GSE1: variants seen among roughly 807,000 people sequenced by gnomAD.
GSE1 encodes genetic suppressor element 1.
In GSE1, 32 loss-of-function variants were observed where a neutral mutation model predicts 112.6. The observed-to-expected ratio is 0.28, with a 90% CI of 0.21 to 0.38. The LOEUF is 0.38. Ranked by LOEUF, GSE1 falls within the 10% of genes least tolerant of loss-of-function variation. The pLI is 1.00. For synonymous variants in GSE1, 1,115 were observed against 735.6 expected, an observed-to-expected ratio of 1.52 and a Z score of -8.35; for missense variants, 2,348 against 1,699.2, an observed-to-expected ratio of 1.38 and a Z score of -6.71.
At chr16:85,669,645 G>A (rs1249962139) in intron 14 of GSE1, among the ~76,000 whole-genome samples, 2 of 152,178 alleles carry the variant, frequency 1.3e-5, no homozygotes, top group Admixed American at 6.5e-5. Context: ...CATCTTTGCT[G>A]GTTTTGTAGG....
At chr16:85,182,247 C>T (rs966267929) in intron 1 of GSE1, among the ~76,000 whole-genome samples, 2 of 152,174 alleles carry the variant, frequency 1.3e-5, no homozygotes, top group Non-Finnish European at 2.9e-5. Context: ...CCACCATCAG[C>T]CTCGTACAGA....
chr16:85,234,288 C>A (rs12598286), intron 1 of GSE1, among the ~76,000 whole-genome samples: 74,021 of 151,890 alleles, frequency 0.49, 18,326 homozygotes, highest in African/African-American at 0.56. Flanking sequence ...ATTTTGAAAC[C>A]AGAGTCTCCT....
chr16:85,575,405 C>A (rs2046187708), intron 1 of GSE1, among the ~76,000 whole-genome samples: 1 of 152,146 alleles, frequency 6.6e-6, no homozygotes, highest in Non-Finnish European at 1.5e-5. Context: ...TTAAGGATGC[C>A]GTTAAAATAC....
chr16:85,217,334 G>T (rs1043154704), intron 1 of GSE1, among the ~76,000 whole-genome samples: 1 of 152,244 alleles, frequency 6.6e-6, no homozygotes, highest in Non-Finnish European at 1.5e-5. Flanking sequence ...TCTGTGCTGT[G>T]TTTGGGGTTG....
chr16:85,316,787 A>G (rs2045995029), intron 1 of GSE1, among the ~76,000 whole-genome samples: 1 of 152,190 alleles, frequency 6.6e-6, no homozygotes, highest in Non-Finnish European at 1.5e-5. Flanking sequence ...TCTTGGGAGC[A>G]GACGTCTCCC....
intron 2 of GSE1, among the ~76,000 whole-genome samples, chr16:85,485,577 A>G (rs2050808051): frequency 6.6e-6 from 1 of 152,250 alleles, no homozygotes; most frequent in African/African-American, 2.4e-5. Flanking sequence ...CGCCGCGTTA[A>G]GGACAGATGG....
chr16:85,345,366 G>C (rs528647569), intron 1 of GSE1, among the ~76,000 whole-genome samples: 1 of 152,330 alleles, frequency 6.6e-6, no homozygotes, highest in South Asian at 2.1e-4. Flanking sequence ...GCAAAGCTGA[G>C]TGGTTTTGAC....
chr16:85,229,280 G>C (rs2075541829), intron 1 of GSE1, among the ~76,000 whole-genome samples: 1 of 152,250 alleles, frequency 6.6e-6, no homozygotes, highest in Admixed American at 6.5e-5. Context: ...TCAGCGGCAG[G>C]CCGGAGCCAG....
At chr16:85,522,698 C>A (rs1002422430) in intron 2 of GSE1, among the ~76,000 whole-genome samples, 1 of 152,074 alleles carries the variant, frequency 6.6e-6, no homozygotes, top group East Asian at 1.9e-4. Flanking sequence ...AGTGGGTGCT[C>A]GTGTGGGTGT....
At chr16:85,645,412 G>A (rs904411120) in intron 2 of GSE1, among the ~76,000 whole-genome samples, 2 of 152,132 alleles carry the variant, frequency 1.3e-5, no homozygotes, top group African/African-American at 4.8e-5. Flanking sequence ...CTATCCAGTT[G>A]TGCAGGTTGC....
At chr16:85,380,963 C>T (rs941670572) in intron 2 of GSE1, among the ~76,000 whole-genome samples, 1 of 152,200 alleles carries the variant, frequency 6.6e-6, no homozygotes, top group African/African-American at 2.4e-5. Context: ...TAAAATTCAC[C>T]TAACACAAAA....
intron 2 of GSE1, among the ~76,000 whole-genome samples, chr16:85,436,884 CG>C (rs2049259310): frequency 6.6e-6 from 1 of 152,096 alleles, no homozygotes; most frequent in South Asian, 2.1e-4. Flanking sequence ...GTGGGCGGCC[CG>C]GGACTGTGGG....
chr16:85,473,864 G>A (rs539485509), intron 2 of GSE1, among the ~76,000 whole-genome samples: 102 of 151,800 alleles, frequency 6.7e-4, no homozygotes, highest in Non-Finnish European at 1.1e-3. Context: ...GCAGGGGAGC[G>A]TCTGTCTGTA....
chr16:85,427,093 C>T (rs61072409), intron 2 of GSE1, among the ~76,000 whole-genome samples: 1 of 152,140 alleles, frequency 6.6e-6, no homozygotes, highest in Non-Finnish European at 1.5e-5. Flanking sequence ...TATGTGGTGG[C>T]TATGCAGTGT....
chr16:85,330,677 T>C (rs1236769081), intron 1 of GSE1, among the ~76,000 whole-genome samples: 1 of 152,240 alleles, frequency 6.6e-6, no homozygotes, highest in Non-Finnish European at 1.5e-5. Flanking sequence ...ATTTTTTGTA[T>C]GTTTAAAATG....
chr16:85,570,522 C>G (rs1442658065), intron 1 of GSE1, among the ~76,000 whole-genome samples: 1 of 152,232 alleles, frequency 6.6e-6, no homozygotes, highest in Non-Finnish European at 1.5e-5. Context: ...CATAACTCCA[C>G]CTGCCTGGCT....
intron 1 of GSE1, among the ~76,000 whole-genome samples, chr16:85,355,000 C>T (rs1393461089): frequency 6.6e-6 from 1 of 152,342 alleles, no homozygotes; most frequent in African/African-American, 2.4e-5. Context: ...GGTGCCGCCG[C>T]CTCCTGGCTC....
At chr16:85,550,362 G>C (rs1405087698) in intron 2 of GSE1, among the ~76,000 whole-genome samples, 1 of 152,174 alleles carries the variant, frequency 6.6e-6, no homozygotes, top group Non-Finnish European at 1.5e-5. Flanking sequence ...CCTTGAACCA[G>C]ATTGTCACGA....
chr16:85,224,305 A>C (rs2075444820), intron 1 of GSE1, among the ~76,000 whole-genome samples: 2 of 66,918 alleles, frequency 3.0e-5, no homozygotes, highest in African/African-American at 5.3e-5. Context: ...AAAATACAAA[A>C]AAAAAAAAAA....
Sources: allele counts gnomAD v4.1 joint callset (sites outside exome capture counted in the v4.1 genomes callset), GRCh38; gene constraint gnomAD v4.1.1; transcripts MANE v1.5; gene names NCBI Gene and HGNC (gene_info 2026-07-23, HGNC 2026-07-21).